The following CHIT1 variants were observed in gnomAD, a reference collection of about 807,000 sequenced individuals.
The protein encoded by CHIT1 is chitotriosidase-1.
A neutral mutation model predicts 52.0 loss-of-function variants in CHIT1; 47 were observed. The observed-to-expected ratio is 0.90, with a 90% CI of 0.71 to 1.15. The LOEUF (loss-of-function observed/expected upper bound fraction) is 1.15, where lower values mean the gene tolerates loss of function less well. CHIT1 is among the 50% of genes most tolerant of loss of function. The pLI is 0.00. For synonymous variants in CHIT1, 242 were observed against 228.2 expected (o/e 1.06, Z -0.54); for missense variants, 569 against 583.0 (o/e 0.98, Z 0.25).
chr1:203,228,695 G>A (rs1245591167), intron 1 of CHIT1, 133 bp from the exon 2 acceptor site: 7 of 1,071,184 alleles, frequency 6.5e-6, no homozygotes, highest in Non-Finnish European at 9.8e-6. Context: ...CCTTTCAGAA[G>A]GGACCCAGGA....
At chr1:203,218,839 G>A (rs186637825) in intron 9 of CHIT1, among the ~76,000 whole-genome samples, 1 of 152,250 alleles carries the variant, frequency 6.6e-6, no homozygotes, top group African/African-American at 2.4e-5. Flanking sequence ...CCAATATTGG[G>A]CAGGAGAAGG....
chr1:203,229,348 G>C (rs1288856939), intron 1 of CHIT1, among the ~76,000 whole-genome samples: 1 of 152,156 alleles, frequency 6.6e-6, no homozygotes. Context: ...GACAGAGAGA[G>C]GAAAGTCAAG....
intron 2 of CHIT1, 129 bp downstream of exon 2, chr1:203,228,404 G>T: frequency 2.0e-6 from 2 of 1,008,024 alleles, no homozygotes; most frequent in Non-Finnish European, 1.5e-6. Context: ...ATTTGCAGGG[G>T]TCTGAGCTTT....
chr1:203,224,983 C>T, intron 4 of CHIT1, 65 bp downstream of exon 4: 9 of 1,460,858 alleles, frequency 6.2e-6, no homozygotes, highest in Non-Finnish European at 7.7e-6. Context: ...CCAGGGCTCC[C>T]TCTGGCCAGT....
chr1:203,229,592 C>G lies in CHIT1; in HGVS notation c.25+20G>C. ...CCTCCCCACAGCTCCCGAGACCCAG[C>G]CCACTATCCGACGGCTCACCTGCCC... On this transcript the variant is annotated intron_variant, in intron 1 of 10. Transcript: ENST00000367229. 6.2e-7 allele frequency: 1 copy of G among 1,613,930 alleles called. No homozygotes were observed. Among genetic ancestry groups the G allele is most frequent in the African/African-American group, 1.3e-5 (1 of 75,052 alleles).
upstream of CHIT1, chr1:203,229,762 A>G (rs11809805): frequency 8.7e-3 from 8,251 of 945,758 alleles, 425 homozygotes; most frequent in African/African-American, 0.12. Context: ...GGTGGGGGGG[A>G]TGGGAGCAGG....
intron 3 of CHIT1, 46 bp downstream of exon 3, chr1:203,225,623 T>A: frequency 6.3e-7 from 1 of 1,583,664 alleles, no homozygotes; most frequent in South Asian, 1.1e-5. Flanking sequence ...AGGTTATCTG[T>A]CACCCCACCA....
intron 9 of CHIT1, chr1:203,218,183 T>C (rs1656607916): frequency 8.3e-7 from 1 of 1,210,152 alleles, no homozygotes; most frequent in Non-Finnish European, 1.1e-6. Context: ...ATGTGTGGGC[T>C]GAGCTGCTTT....
chr1:203,228,743 G>A lies in CHIT1; in HGVS notation c.26-181C>T, dbSNP rs116801714. Among the ~76,000 whole-genome samples the A allele has an allele frequency of 6.2e-3, 940 of 152,240 alleles. 11 individuals are homozygous for A. The highest frequency in any genetic ancestry group is 0.022 in the African/African-American group (898 of 41,552). On this transcript the variant is annotated intron_variant, in intron 1 of 10. Coordinates refer to ENST00000367229, the MANE Select transcript of CHIT1 (RefSeq NM_003465.3). ...CATCCCTTCATGCAGACCAGACCAC[G>A]GGGGTCTCTTCCTGGCCTGGGTTGG...
At chr1:203,229,311 G>A (rs1657047595) in intron 1 of CHIT1, among the ~76,000 whole-genome samples, 1 of 152,162 alleles carries the variant, frequency 6.6e-6, no homozygotes, top group East Asian at 1.9e-4. Flanking sequence ...ACCCAGTGCA[G>A]GGGCCTCATT....
chr1:203,226,209 G>T (rs374809459), intron 2 of CHIT1, among the ~76,000 whole-genome samples: 34 of 152,318 alleles, frequency 2.2e-4, no homozygotes, highest in African/African-American at 8.2e-4. Flanking sequence ...GAGGTGCTGC[G>T]ACCCAAGTCT....
chr1:203,221,890 G>A (rs530029533), intron 7 of CHIT1, among the ~76,000 whole-genome samples: 1 of 152,246 alleles, frequency 6.6e-6, no homozygotes, highest in South Asian at 2.1e-4. Flanking sequence ...GGGGGTGTGT[G>A]AGGGAAGCAG....
intron 10 of CHIT1, 109 bp from the exon 11 acceptor site, chr1:203,217,242 C>A: frequency 1.9e-6 from 3 of 1,588,500 alleles, no homozygotes; most frequent in Non-Finnish European, 2.6e-6. Flanking sequence ...GCACCACATG[C>A]CCTACAGGCT....
At chr1:203,219,118 G>T (rs917521162) in intron 9 of CHIT1, 98 bp downstream of exon 9, 8 of 781,784 alleles carry the variant, frequency 1.0e-5, no homozygotes, top group Non-Finnish European at 2.4e-6. Context: ...GACATTTAAA[G>T]GAGACTCACC....
chr1:203,217,197 C>T, intron 10 of CHIT1, 64 bp from the exon 11 acceptor site: 2 of 1,598,356 alleles, frequency 1.3e-6, no homozygotes, highest in African/African-American at 1.3e-5. Flanking sequence ...ACAGGCAGAG[C>T]ACACAGGCAG....
intron 1 of CHIT1, among the ~76,000 whole-genome samples, chr1:203,229,057 C>A (rs923491801): frequency 6.6e-6 from 1 of 152,176 alleles, no homozygotes; most frequent in African/African-American, 2.4e-5. Flanking sequence ...TAGGCAACCA[C>A]AGCCTTGGAG....
intron 10 of CHIT1, chr1:203,217,417 C>T (rs775592122): frequency 4.2e-5 from 61 of 1,468,612 alleles, no homozygotes; most frequent in East Asian, 1.3e-4. Flanking sequence ...GGGGGTGCCA[C>T]GCTGCAGGCT....
upstream of CHIT1, chr1:203,229,707 C>G: frequency 1.9e-6 from 3 of 1,574,754 alleles, no homozygotes; most frequent in Non-Finnish European, 2.6e-6. Context: ...TTTATCTGGC[C>G]ACCCTGTCCC....
At chr1:203,228,129 T>G (rs2486072) in intron 2 of CHIT1, among the ~76,000 whole-genome samples, 65,058 of 152,074 alleles carry the variant, frequency 0.43, 15,018 homozygotes, top group East Asian at 0.88. Context: ...CTGAACCAGA[T>G]GAGACTTAGG....
Sources: allele counts gnomAD v4.1 joint callset (sites outside exome capture counted in the v4.1 genomes callset), GRCh38; gene constraint gnomAD v4.1.1; transcripts MANE v1.5; gene names NCBI Gene and HGNC (gene_info 2026-07-23, HGNC 2026-07-21).